The following TAFA1 variants were observed in gnomAD, a reference collection of about 807,000 sequenced individuals.
TAFA1 encodes the protein chemokine-like protein TAFA-1.
A neutral mutation model predicts 18.5 loss-of-function variants in TAFA1; 4 were observed. The observed-to-expected ratio is 0.22, with a 90% CI of 0.11 to 0.49. TAFA1 has a LOEUF of 0.49. TAFA1 is among the 20% of genes least tolerant of loss of function. The pLI is 0.98. For synonymous variants in TAFA1, 56 were observed against 55.2 expected (o/e 1.01, Z -0.06); for missense variants, 147 against 169.0 (o/e 0.87, Z 0.72).
intron 2 of TAFA1, among the ~76,000 whole-genome samples, chr3:68,401,393 C>T (rs931424041): frequency 1.3e-5 from 2 of 152,108 alleles, no homozygotes; most frequent in Middle Eastern, 3.2e-3. Flanking sequence ...TATTGTGAAT[C>T]GCAGAAAATC....
intron 2 of TAFA1, chr3:68,144,878 C>T: frequency 3.1e-6 from 2 of 648,188 alleles, no homozygotes; most frequent in Non-Finnish European, 5.6e-6. Context: ...CATTTACATT[C>T]CATTTCCTCA....
the TAFA1 span, among the ~76,000 whole-genome samples, chr3:67,996,443 T>C: frequency 6.6e-6 from 1 of 151,840 alleles, no homozygotes; most frequent in Non-Finnish European, 1.5e-5. Flanking sequence ...TCTGGGAAAA[T>C]AGTAAAATGG....
rs189118024 is a variant in TAFA1, at chr3:68,196,389, A to T, written c.118+189645A>T. The stretch of plus-strand genomic sequence containing the variant: ...GACCAAATGTAGCAATCAATCAATC[A>T]ATCTATCTATCTATAAATTAGTCAA... On this transcript the variant is annotated intron_variant, in intron 2 of 4. Coordinates refer to ENST00000478136, the MANE Select transcript of TAFA1 (RefSeq NM_213609.4). Among the ~76,000 whole-genome samples the T allele has an allele frequency of 1.2e-3, 178 of 151,864 alleles. 1 individual carries two copies. The highest frequency in any genetic ancestry group is 2.1e-3 in the Non-Finnish European group (140 of 67,800).
chr3:68,258,302 A>C (rs1217165945), intron 2 of TAFA1, among the ~76,000 whole-genome samples: 1 of 152,146 alleles, frequency 6.6e-6, no homozygotes, highest in Non-Finnish European at 1.5e-5. Flanking sequence ...AAATGGCTAC[A>C]TTGGTTTGGA....
chr3:68,027,966 A>T (rs918009300), intron 2 of TAFA1, among the ~76,000 whole-genome samples: 19 of 152,268 alleles, frequency 1.2e-4, no homozygotes, highest in African/African-American at 4.6e-4. Flanking sequence ...AACCTAAGAG[A>T]TGGAAATCCC....
intron 2 of TAFA1, among the ~76,000 whole-genome samples, chr3:68,249,614 A>T (rs1050833138): frequency 6.6e-6 from 1 of 152,174 alleles, no homozygotes; most frequent in African/African-American, 2.4e-5. Flanking sequence ...CTCCACCACC[A>T]ATCTACCAAA....
intron 2 of TAFA1, among the ~76,000 whole-genome samples, chr3:68,071,580 C>G (rs1450885067): frequency 6.6e-6 from 1 of 152,176 alleles, no homozygotes; most frequent in Non-Finnish European, 1.5e-5. Flanking sequence ...AGCTCCAGCT[C>G]TCGTGCCAGC....
chr3:68,192,410 C>T (rs569459826), intron 2 of TAFA1: 16 of 180,672 alleles, frequency 8.9e-5, no homozygotes, highest in East Asian at 7.8e-4. Flanking sequence ...CAGTGTGTTA[C>T]GAATGAAAAC....
chr3:68,054,004 C>T (rs1019643874), intron 2 of TAFA1, among the ~76,000 whole-genome samples: 4 of 152,140 alleles, frequency 2.6e-5, no homozygotes, highest in African/African-American at 9.7e-5. Context: ...CATGACTGAC[C>T]TACTTTTACA....
intron 2 of TAFA1, among the ~76,000 whole-genome samples, chr3:68,292,571 A>G (rs1188583416): frequency 3.3e-5 from 5 of 152,120 alleles, no homozygotes. Flanking sequence ...CTATCGCCCA[A>G]GCTGGAGTGC....
At chr3:67,999,160 C>G in the TAFA1 span, among the ~76,000 whole-genome samples, 1 of 152,092 alleles carries the variant, frequency 6.6e-6, no homozygotes, top group African/African-American at 2.4e-5. Flanking sequence ...TGCTTAATAG[C>G]TACATGTCAA....
intron 2 of TAFA1, among the ~76,000 whole-genome samples, chr3:68,171,429 T>A (rs2066051973): frequency 6.6e-6 from 1 of 152,146 alleles, no homozygotes; most frequent in South Asian, 2.1e-4. Context: ...AATAATAAAT[T>A]TGTGTTGTTT....
chr3:68,333,516 G>A (rs1421884884), intron 2 of TAFA1, among the ~76,000 whole-genome samples: 2 of 152,040 alleles, frequency 1.3e-5, no homozygotes, highest in Non-Finnish European at 2.9e-5. Context: ...AAACTATTGG[G>A]TACTATGCTT....
At chr3:68,159,783 A>G (rs994905746) in intron 2 of TAFA1, among the ~76,000 whole-genome samples, 5 of 152,180 alleles carry the variant, frequency 3.3e-5, no homozygotes, top group African/African-American at 7.2e-5. Context: ...CGAAGACACC[A>G]GCTCAGCTGC....
At chr3:68,010,405 C>T (rs139811112) in intron 2 of TAFA1, among the ~76,000 whole-genome samples, 3 of 152,174 alleles carry the variant, frequency 2.0e-5, no homozygotes, top group Non-Finnish European at 4.4e-5. Context: ...ATGGCACCAG[C>T]CAGCCAGGGT....
intron 2 of TAFA1, among the ~76,000 whole-genome samples, chr3:68,185,070 C>G (rs2066253381): frequency 6.6e-6 from 1 of 152,154 alleles, no homozygotes; most frequent in Non-Finnish European, 1.5e-5. Flanking sequence ...CCTCTGTTCT[C>G]ATGACACTCC....
chr3:68,360,087 G>A (rs2069442023), intron 2 of TAFA1, among the ~76,000 whole-genome samples: 2 of 151,830 alleles, frequency 1.3e-5, no homozygotes, highest in South Asian at 4.2e-4. Context: ...TTGAAGTATG[G>A]TACAGATTTT....
chr3:68,197,829 AT>A (rs2066429449), intron 2 of TAFA1, among the ~76,000 whole-genome samples: 1 of 151,704 alleles, frequency 6.6e-6, no homozygotes, highest in Non-Finnish European at 1.5e-5. Context: ...ATATAGTGTT[AT>A]TTGTCACTCT....
In TAFA1 at chr3:68,356,664, A is replaced by G. The variant is rs1253587212; in HGVS notation, c.119-60616A>G. On this transcript the variant is annotated intron_variant, in intron 2 of 4. Coordinates refer to ENST00000478136, the MANE Select transcript of TAFA1 (RefSeq NM_213609.4). ...AGATCCTAAAACTTAGAGAGATTAT[A>G]TGATTTCCCAAGATTATAAAGGGCT... 3.9e-5 allele frequency among the ~76,000 whole-genome samples: 6 copies of G among 152,016 alleles called. No individual in the cohort carries two copies. The East Asian group carries it at 1.2e-3, about 30-fold the overall frequency.
Sources: gnomAD v4.1 joint callset for allele counts (sites outside exome capture counted in the v4.1 genomes callset) on GRCh38, gnomAD v4.1.1 for gene constraint, MANE v1.5 for transcripts, NCBI Gene and HGNC (gene_info 2026-07-23, HGNC 2026-07-21) for gene names.